Variants in SHROOM4 observed in about 807,000 individuals in gnomAD.
The protein encoded by SHROOM4 is protein Shroom4.
In SHROOM4, 17 loss-of-function variants were observed where a neutral mutation model predicts 80.3. The observed-to-expected ratio is 0.21, with a 90% confidence interval of 0.14 to 0.32. SHROOM4 has a LOEUF of 0.32. SHROOM4 is among the 10% of genes least tolerant of loss of function. SHROOM4 has a pLI of 1.00. For missense variants in SHROOM4, 993 were observed against 1,140.3 expected, an observed-to-expected ratio of 0.87 and a Z score of 1.86; for synonymous variants, 400 against 437.5, an observed-to-expected ratio of 0.91 and a Z score of 1.07.
chrX:50,752,779 C>G (rs1390478217), intron 1 of SHROOM4, among the ~76,000 whole-genome samples: 2 of 112,043 alleles, frequency 1.8e-5, no homozygotes, highest in African/African-American at 6.5e-5. Flanking sequence ...TCAGTGCCTA[C>G]AGGCCCCATT....
Position 50,633,425 on chromosome X carries a change from T to C in SHROOM4, c.2648A>G (p.His883Arg). ...ACTGCAGGAGTAAGAGCAGGTCCTGTGGTAATCAAAATCACCACAGTGTAG... is the reference window on the plus strand; with the variant it reads ...ACTGCAGGAGTAAGAGCAGGTCCTGCGGTAATCAAAATCACCACAGTGTAG... ...KPLHCGDFDY[H>R]RTCSYSCSVQ... The change falls in exon 4 of 9, where the codon CAC becomes CGC. Residue 883 changes from histidine to arginine, a missense_variant. Transcript: ENST00000376020. 6.6e-6 allele frequency: 8 copies of C among 1,212,011 alleles called. No homozygotes were observed. The highest frequency in any genetic ancestry group is 8.9e-6 in the Non-Finnish European group (8 of 895,513).
chrX:50,660,202 T>C (rs1932446495), intron 2 of SHROOM4, among the ~76,000 whole-genome samples: 1 of 111,938 alleles, frequency 8.9e-6, no homozygotes, highest in South Asian at 3.8e-4. Flanking sequence ...TCCAACAGTG[T>C]GTCAGAGCAG....
intron 2 of SHROOM4, among the ~76,000 whole-genome samples, chrX:50,660,677 G>A (rs1316031556): frequency 9.6e-6 from 1 of 103,910 alleles, no homozygotes; most frequent in African/African-American, 3.5e-5. Flanking sequence ...GTGCAGGGGC[G>A]TGATCACGGC....
chrX:50,608,219 G>A, intron 5 of SHROOM4, 35 bp from the exon 6 acceptor site: 1 of 1,183,766 alleles, frequency 8.4e-7, no homozygotes, highest in Non-Finnish European at 1.1e-6. Context: ...AGAAAAACAA[G>A]CAAGTTGCAG....
In SHROOM4 at chrX:50,635,105, T is replaced by G. The variant is rs782095933; in HGVS notation, c.968A>C (p.Asn323Thr). 8.3e-7 allele frequency: 1 copy of G among 1,211,523 alleles called. No individual in the cohort carries two copies. The highest frequency in any genetic ancestry group is 1.8e-5 in the South Asian group (1 of 56,852). Residue 323 changes from asparagine to threonine, a missense_variant, in exon 4 of 9, where the codon AAT (asparagine) becomes ACT (threonine). By Grantham distance (65) the Asn-to-Thr change is moderately conservative. Transcript: ENST00000376020. ...ATGCCCACTGAGGCAACAGAACCTA[T>G]TAGGGTTCCTTGCGGGTAGCACAGG... is the stretch of plus-strand genomic sequence containing the variant. ...LEPVLPARNP[N>T]RFCCLSGHDQ...
intron 2 of SHROOM4, among the ~76,000 whole-genome samples, chrX:50,688,585 G>A (rs1422065477): frequency 9.0e-6 from 1 of 111,487 alleles, no homozygotes; most frequent in Non-Finnish European, 1.9e-5. Flanking sequence ...GTAGGGGGAA[G>A]GGAGGGATAT....
chrX:50,703,248 T>C (rs1933566275), intron 1 of SHROOM4, among the ~76,000 whole-genome samples: 1 of 112,229 alleles, frequency 8.9e-6, no homozygotes, highest in African/African-American at 3.2e-5. Context: ...CCAATTTTTG[T>C]CTTGACATAT....
intron 1 of SHROOM4, among the ~76,000 whole-genome samples, chrX:50,745,239 C>G (rs897266351): frequency 9.0e-6 from 1 of 110,765 alleles, no homozygotes; most frequent in Non-Finnish European, 1.9e-5. Flanking sequence ...ATGTAATTCT[C>G]TAATATTCAC....
chrX:50,788,025 TA>T (rs1212775074), intron 1 of SHROOM4, among the ~76,000 whole-genome samples: 1 of 112,133 alleles, frequency 8.9e-6, no homozygotes, highest in African/African-American at 3.2e-5. Flanking sequence ...GTTAAATATA[TA>T]AACAAATACA....
At chrX:50,687,098 T>C (rs906098851) in intron 2 of SHROOM4, 2 of 111,716 alleles carry the variant, frequency 1.8e-5, no homozygotes, top group African/African-American at 6.5e-5. Context: ...ACGATGGTTC[T>C]CTTTCAGTCT....
intron 2 of SHROOM4, among the ~76,000 whole-genome samples, chrX:50,668,102 A>T (rs1932747470): frequency 8.9e-6 from 1 of 112,181 alleles, no homozygotes; most frequent in South Asian, 3.8e-4. Context: ...TGTTGGTAGG[A>T]AAGACCAAAT....
At chrX:50,663,009 G>A (rs782185409) in intron 2 of SHROOM4, among the ~76,000 whole-genome samples, 1 of 111,092 alleles carries the variant, frequency 9.0e-6, no homozygotes, top group African/African-American at 3.3e-5. Flanking sequence ...TAAAGGTTAA[G>A]GGCAGATTAT....
intron 2 of SHROOM4, among the ~76,000 whole-genome samples, chrX:50,679,144 C>T (rs1434002226): frequency 2.7e-5 from 3 of 111,380 alleles, no homozygotes; most frequent in African/African-American, 9.8e-5. Flanking sequence ...TCCTACATTT[C>T]TGAGTGCCCT....
chrX:50,701,013 G>A (rs1933500668), intron 1 of SHROOM4, among the ~76,000 whole-genome samples: 1 of 111,450 alleles, frequency 9.0e-6, no homozygotes, highest in African/African-American at 3.3e-5. Flanking sequence ...TGTGAATCAG[G>A]CCCAAGGGCT....
chrX:50,782,962 T>C (rs1557270774), intron 1 of SHROOM4, among the ~76,000 whole-genome samples: 1 of 111,883 alleles, frequency 8.9e-6, no homozygotes, highest in Non-Finnish European at 1.9e-5. Context: ...TAAATAACAA[T>C]ACTATATTGT....
chrX:50,761,172 T>C (rs1602494226), intron 1 of SHROOM4, among the ~76,000 whole-genome samples: 1 of 111,204 alleles, frequency 9.0e-6, no homozygotes, highest in South Asian at 3.8e-4. Flanking sequence ...TTATTTTTTC[T>C]TTTTCTTTCC....
chrX:50,744,002 A>G (rs1016053128), intron 1 of SHROOM4, among the ~76,000 whole-genome samples: 3 of 111,276 alleles, frequency 2.7e-5, no homozygotes, highest in Non-Finnish European at 3.8e-5. Flanking sequence ...TTTGTATGTG[A>G]TAAGTCATTT....
Position 50,725,714 on chromosome X carries a change from C to A in SHROOM4, c.118-29777G>T, listed in dbSNP as rs146648029. 7.0e-3 allele frequency among the ~76,000 whole-genome samples: 788 copies of A among 112,604 alleles called. 5 individuals carry two copies. The highest frequency in any genetic ancestry group is 9.5e-3 in the Non-Finnish European group (508 of 53,327). On this transcript the variant is annotated intron_variant, in intron 1 of 8. Transcript: ENST00000376020. ...AATTGTAAGTTTCCTGAGGCCTACC[C>A]AGCCATGTGGAACTGTGAGTCAATT...
intron 3 of SHROOM4, among the ~76,000 whole-genome samples, chrX:50,636,015 CAA>C (rs782117579): frequency 1.2e-4 from 13 of 111,390 alleles, no homozygotes; most frequent in Admixed American, 3.8e-4. Context: ...GGCTCCCTGC[CAA>C]AAGAGACAAT....
Sources: allele counts gnomAD v4.1 joint callset (sites outside exome capture counted in the v4.1 genomes callset), GRCh38; gene constraint gnomAD v4.1.1; transcripts MANE v1.5; gene names NCBI Gene and HGNC (gene_info 2026-07-23, HGNC 2026-07-21).